The following CIST1 variants were observed in gnomAD, a reference collection of about 807,000 sequenced individuals.
CIST1 encodes colon, intestine and stomach enriched 1, also known as uncharacterized LOC729966.
At chr19:18,252,379 G>A in the CIST1 span, 3 of 399,070 alleles carry the variant, frequency 7.5e-6, no homozygotes, top group African/African-American at 2.1e-5. Context: ...GATTTGGGGG[G>A]TTCCCCTGAA....
chr19:18,251,107 T>C, the CIST1 span, among the ~76,000 whole-genome samples: 1 of 148,682 alleles, frequency 6.7e-6, no homozygotes, highest in Non-Finnish European at 1.5e-5. Flanking sequence ...TCAATTACTT[T>C]ATTTATTTTT....
At chr19:18,251,074 C>T in the CIST1 span, among the ~76,000 whole-genome samples, 1 of 151,466 alleles carries the variant, frequency 6.6e-6, no homozygotes, top group Non-Finnish European at 1.5e-5. Context: ...CTGAGCCCAG[C>T]CTAATTTTTA....
chr19:18,255,255 A>G, the CIST1 span: 1 of 398,736 alleles, frequency 2.5e-6, no homozygotes, highest in East Asian at 3.6e-5. The surrounding 1 kb of genome is among the most constrained non-coding windows in gnomAD (Gnocchi z 4.6). Flanking sequence ...ACCAGCTTTC[A>G]GCAGCACCAC....
chr19:18,250,262 C>G, the CIST1 span: 4,646 of 399,084 alleles, frequency 0.012, 205 homozygotes, highest in African/African-American at 0.087. Context: ...GCAGCTCCCC[C>G]AACCATGCCT....
chr19:18,250,618 T>C, the CIST1 span: 1 of 395,590 alleles, frequency 2.5e-6, no homozygotes, highest in Non-Finnish European at 4.5e-6. Flanking sequence ...TTTAATCATG[T>C]ATTTTAGAGA....
chr19:18,250,352 C>T, the CIST1 span: 188 of 399,096 alleles, frequency 4.7e-4, no homozygotes, highest in African/African-American at 2.6e-3. Flanking sequence ...GGACTCATTC[C>T]GGTGACAGAA....
chr19:18,254,357 A>G, the CIST1 span, among the ~76,000 whole-genome samples: 1 of 152,238 alleles, frequency 6.6e-6, no homozygotes, highest in African/African-American at 2.4e-5. Context: ...GTTGGAGGAC[A>G]CAAGCCCTGT....
chr19:18,255,283 G>A, the CIST1 span: 1 of 399,382 alleles, frequency 2.5e-6, no homozygotes, highest in South Asian at 1.3e-4. The surrounding 1 kb of genome is among the most constrained non-coding windows in gnomAD (Gnocchi z 4.6). Context: ...AAAAGCAGAA[G>A]TGGCGGCAGC....
the CIST1 span, among the ~76,000 whole-genome samples, chr19:18,254,411 T>C: frequency 6.6e-6 from 1 of 152,170 alleles, no homozygotes; most frequent in African/African-American, 2.4e-5. Context: ...TGCTGAAGGG[T>C]TGACCAGAAG....
At chr19:18,250,028 G>A in the CIST1 span, 677 of 398,456 alleles carry the variant, frequency 1.7e-3, 1 homozygote, top group Admixed American at 3.8e-3. Flanking sequence ...GTTTTCACAC[G>A]AGGCCTTGGA....
At chr19:18,255,390 G>A in the CIST1 span, 4 of 397,872 alleles carry the variant, frequency 1.0e-5, no homozygotes, top group Non-Finnish European at 1.8e-5. This position sits in a 1 kb window ranked among gnomAD's most constrained non-coding sequence, Gnocchi z 4.6. Flanking sequence ...TTGCACCTGC[G>A]TGTGCGCTCC....
At chr19:18,252,502 C>T in the CIST1 span, 5 of 398,990 alleles carry the variant, frequency 1.3e-5, no homozygotes, top group African/African-American at 8.2e-5. Context: ...CGGTGGCTCA[C>T]GCCTGTAATT....
At chr19:18,253,563 A>C in the CIST1 span, among the ~76,000 whole-genome samples, 116 of 141,758 alleles carry the variant, frequency 8.2e-4, no homozygotes, top group African/African-American at 1.3e-3. Flanking sequence ...AAAAAAAAAA[A>C]ACACACACAC....
At chr19:18,251,134 T>C in the CIST1 span, among the ~76,000 whole-genome samples, 1 of 151,064 alleles carries the variant, frequency 6.6e-6, no homozygotes. Context: ...GAGTCTTTTT[T>C]TTCCCCCCCG....
At chr19:18,253,386 A>G in the CIST1 span, among the ~76,000 whole-genome samples, 1 of 152,108 alleles carries the variant, frequency 6.6e-6, no homozygotes, top group African/African-American at 2.4e-5. Context: ...TTGTCTCTAC[A>G]AAAAAATAAA....
the CIST1 span, among the ~76,000 whole-genome samples, chr19:18,251,774 G>A: frequency 0.14 from 20,100 of 143,522 alleles, 1,738 homozygotes; most frequent in East Asian, 0.32. Flanking sequence ...TTTTTGTAGA[G>A]ACAAAGTCCT....
the CIST1 span, chr19:18,252,567 C>T: frequency 5.0e-6 from 2 of 397,870 alleles, no homozygotes; most frequent in Non-Finnish European, 8.8e-6. Flanking sequence ...GAATTAGAGA[C>T]CAGCCTGGGC....
At chr19:18,250,556 T>C in the CIST1 span, 22 of 396,552 alleles carry the variant, frequency 5.5e-5, no homozygotes, top group Non-Finnish European at 8.9e-5. Context: ...CCTTTTAAAA[T>C]CTGTTCTCAG....
chr19:18,255,249 G>A, the CIST1 span: 31 of 398,790 alleles, frequency 7.8e-5, no homozygotes, highest in Admixed American at 9.3e-4. The surrounding 1 kb of genome is among the most constrained non-coding windows in gnomAD (Gnocchi z 4.6). Flanking sequence ...ATTCACACCA[G>A]CTTTCAGCAG....
Sources: gnomAD v4.1 joint callset for allele counts (sites outside exome capture counted in the v4.1 genomes callset) on GRCh38, gnomAD v4.1.1 for gene constraint, Gnocchi (gnomAD v3.1) non-coding constraint, MANE v1.5 for transcripts, NCBI Gene and HGNC (gene_info 2026-07-23, HGNC 2026-07-21) for gene names.